Variants in ZDHHC7 observed in about 807,000 individuals in gnomAD.
The protein encoded by ZDHHC7 is palmitoyltransferase ZDHHC7.
In ZDHHC7, 12 loss-of-function variants were observed where a neutral mutation model predicts 34.1. That is an observed-to-expected ratio of 0.35 (90% CI 0.23 to 0.57). ZDHHC7 has a LOEUF of 0.57. Ranked by LOEUF, ZDHHC7 falls within the 20% of genes least tolerant of loss-of-function variation. ZDHHC7 has a pLI of 0.84. For missense variants in ZDHHC7, 388 were observed against 402.7 expected (o/e 0.96, Z 0.31); for synonymous variants, 185 against 155.4 (o/e 1.19, Z -1.42).
At chr16:85,026,105 C>G in the ZDHHC7 span, among the ~76,000 whole-genome samples, 1 of 152,208 alleles carries the variant, frequency 6.6e-6, no homozygotes, top group Admixed American at 6.5e-5. Context: ...TCCCCTAAAA[C>G]AGAATCTGAC....
chr16:84,988,147 G>T (rs1214492326), intron 3 of ZDHHC7, among the ~76,000 whole-genome samples: 1 of 152,150 alleles, frequency 6.6e-6, no homozygotes, highest in African/African-American at 2.4e-5. Context: ...CTCCAGCCTG[G>T]GCGACAGAGT....
chr16:84,981,999 C>A lies in ZDHHC7; in HGVS notation c.316-5G>T. ...GTTTCCTTTGGGTACTGCCCCCTAC[C>A]ATATAAGAAGAATGTACTTTAGTTG... On this transcript the variant is annotated splice_polypyrimidine_tract_variant and splice_region_variant and intron_variant, in intron 3 of 7. Coordinates refer to ENST00000313732, the MANE Select transcript of ZDHHC7 (RefSeq NM_017740.3). 6.2e-7 allele frequency: 1 copy of A among 1,613,956 alleles called. No individual in the cohort carries two copies. The highest frequency in any genetic ancestry group is 8.5e-7 in the Non-Finnish European group (1 of 1,179,916).
chr16:84,976,761 C>T (rs1429214960), intron 7 of ZDHHC7, among the ~76,000 whole-genome samples: 1 of 152,236 alleles, frequency 6.6e-6, no homozygotes, highest in Non-Finnish European at 1.5e-5. Context: ...CAACATTTGT[C>T]GCTCGTTAGT....
Position 84,976,186 on chromosome 16 carries a change from C to A in ZDHHC7, c.*157G>T. On this transcript the variant is annotated 3_prime_UTR_variant, in exon 8 of 8. Coordinates refer to ENST00000313732, the MANE Select transcript of ZDHHC7 (RefSeq NM_017740.3). ...GACTGAGAGCCTCTTCCTCTGCCAT[C>A]TGTGACTATAAATATATAAAACTCT... 1.1e-6 allele frequency: 1 copy of A among 935,766 alleles called. No individual in the cohort carries two copies. The highest frequency in any genetic ancestry group is 1.7e-5 in the South Asian group (1 of 60,290). 58.0% of individuals were successfully genotyped at this position (935,766 alleles called of 1,614,324 possible).
intron 2 of ZDHHC7, among the ~76,000 whole-genome samples, chr16:84,992,564 G>C (rs1398966459): frequency 1.3e-5 from 2 of 152,214 alleles, no homozygotes; most frequent in Non-Finnish European, 2.9e-5. Flanking sequence ...TTTGCTCTGA[G>C]AGTTGTAATA....
intron 1 of ZDHHC7, among the ~76,000 whole-genome samples, chr16:85,006,714 T>C (rs1296620228): frequency 6.6e-6 from 1 of 150,606 alleles, no homozygotes; most frequent in African/African-American, 2.5e-5. Context: ...CACTCCAGCC[T>C]AGGTGACAGA....
chr16:84,992,422 G>A (rs976044971), intron 2 of ZDHHC7, among the ~76,000 whole-genome samples: 6 of 152,124 alleles, frequency 3.9e-5, no homozygotes, highest in Non-Finnish European at 5.9e-5. Context: ...GCAGTGAGCC[G>A]AGATCGTACC....
chr16:84,993,868 T>C (rs971196023), intron 2 of ZDHHC7, among the ~76,000 whole-genome samples: 2 of 152,126 alleles, frequency 1.3e-5, no homozygotes, highest in African/African-American at 4.8e-5. Flanking sequence ...GCCTAACTTT[T>C]CTCTCTTCTA....
chr16:84,980,014 G>A (rs967061439), intron 4 of ZDHHC7, among the ~76,000 whole-genome samples: 1 of 146,878 alleles, frequency 6.8e-6, no homozygotes, highest in Admixed American at 6.8e-5. Context: ...GAGTGCAGTG[G>A]CGCAATCTCA....
In ZDHHC7 at chr16:84,987,132, A is replaced by G. The variant is rs142852447; in HGVS notation, c.315+3172T>C. The stretch of plus-strand genomic sequence containing the variant: ...CTCCCCTCTGTCCACCTTCCACTCC[A>G]CAGCCTGCCAGCAGCCAGAAGCATC... On this transcript the variant is annotated intron_variant, in intron 3 of 7. Coordinates refer to ENST00000313732, the MANE Select transcript of ZDHHC7 (RefSeq NM_017740.3). Among the ~76,000 whole-genome samples the G allele has an allele frequency of 4.5e-3, 686 of 152,284 alleles. 5 individuals carry two copies. Among genetic ancestry groups the G allele is most frequent in the African/African-American group, 0.016 (662 of 41,546 alleles).
Position 84,977,140 on chromosome 16 carries a change from T to C in ZDHHC7, c.705A>G (p.Ala235=). 6.2e-7 allele frequency: 1 copy of C among 1,614,136 alleles called. No individual in the cohort carries two copies. Among genetic ancestry groups the C allele is most frequent in the South Asian group, 1.1e-5 (1 of 91,088 alleles). Residue 235 remains alanine, a synonymous_variant, in exon 7 of 8, where the codon GCA becomes GCG. Transcript: ENST00000313732. ...AGTGGATTTGGGTGCCAAACATAAC[T>C]GCAGTGAAAGTGAAAAACAGAAGAC... is the stretch of plus-strand genomic sequence containing the variant. ...LEGLLFFTFT[A]VMFGTQIHSI...
chr16:85,012,702 C>T (rs965300922), upstream of ZDHHC7, among the ~76,000 whole-genome samples: 5 of 152,022 alleles, frequency 3.3e-5, no homozygotes, highest in Admixed American at 6.6e-5. Context: ...GTCAGGAGTT[C>T]GAAACTATCC....
chr16:84,990,692 A>C (rs890245846), intron 2 of ZDHHC7, 57 bp from the exon 3 acceptor site: 33 of 1,433,456 alleles, frequency 2.3e-5, no homozygotes, highest in Non-Finnish European at 3.1e-5. Flanking sequence ...AAGCTACCTT[A>C]AATATGATGT....
chr16:84,999,683 C>A, intron 1 of ZDHHC7, among the ~76,000 whole-genome samples: 1 of 152,184 alleles, frequency 6.6e-6, no homozygotes, highest in Non-Finnish European at 1.5e-5. Context: ...AGAAAGAAAT[C>A]AGAATAAGGA....
chr16:85,027,540 G>A, the ZDHHC7 span, among the ~76,000 whole-genome samples: 1 of 152,280 alleles, frequency 6.6e-6, no homozygotes, highest in East Asian at 1.9e-4. Flanking sequence ...CCCAGAGTCC[G>A]AGAACACCCA....
chr16:84,986,208 G>A (rs1309680327), intron 3 of ZDHHC7, among the ~76,000 whole-genome samples: 3 of 152,146 alleles, frequency 2.0e-5, no homozygotes, highest in Admixed American at 6.5e-5. Flanking sequence ...AAGGTGGAGC[G>A]CTCTTTTCTT....
chr16:84,975,503 A>G lies in ZDHHC7; in HGVS notation c.*840T>C, dbSNP rs1486239084. On this transcript the variant is annotated 3_prime_UTR_variant, in exon 8 of 8. Transcript: ENST00000313732. ...CAAGCACTCAAGATTTCTTTAAAAA[A>G]TGAAAGCAGGAGGGCAACGAAGGGC... 2 of 152,676 alleles carry G rather than the reference A, an allele frequency of 1.3e-5. No homozygotes were observed. Among genetic ancestry groups the G allele is most frequent in the East Asian group, 1.9e-4 (1 of 5,190 alleles). The allele number at this position is 152,676 out of a possible 1,614,324, so 9.5% of individuals were successfully genotyped here.
the ZDHHC7 span, among the ~76,000 whole-genome samples, chr16:85,026,598 A>C: frequency 1.1e-4 from 17 of 151,160 alleles, no homozygotes; most frequent in Non-Finnish European, 2.2e-4. Flanking sequence ...CATCTTTCCA[A>C]GGACTGCCAC....
intron 1 of ZDHHC7, among the ~76,000 whole-genome samples, chr16:85,003,829 G>T (rs2072682493): frequency 6.6e-6 from 1 of 152,056 alleles, no homozygotes; most frequent in African/African-American, 2.4e-5. Flanking sequence ...AAGTGGGAGA[G>T]GGAACACCAG....
Sources: allele counts gnomAD v4.1 joint callset (sites outside exome capture counted in the v4.1 genomes callset), GRCh38; gene constraint gnomAD v4.1.1; transcripts MANE v1.5; gene names NCBI Gene and HGNC (gene_info 2026-07-23, HGNC 2026-07-21).